Variants in TSPAN18 observed in about 807,000 individuals in gnomAD.
The protein encoded by TSPAN18 is tetraspanin-18.
A neutral mutation model predicts 27.3 loss-of-function variants in TSPAN18; 14 were observed. That is an observed-to-expected ratio of 0.51 (90% CI 0.34 to 0.80). TSPAN18 has a LOEUF of 0.80. TSPAN18 is among the 30% of genes least tolerant of loss of function. The probability of loss-of-function intolerance (pLI) is 0.01; values close to 1 mark genes in which losing one functional copy is unlikely to be tolerated. For synonymous variants in TSPAN18, 143 were observed against 136.5 expected (o/e 1.05, Z -0.33); for missense variants, 268 against 323.9 (o/e 0.83, Z 1.32).
intron 2 of TSPAN18, among the ~76,000 whole-genome samples, chr11:44,850,307 C>T (rs1027051496): frequency 7.2e-5 from 11 of 152,132 alleles, no homozygotes; most frequent in Admixed American, 5.2e-4. Flanking sequence ...CTCCTGCCAC[C>T]ATTTGCCAAG....
chr11:44,897,324 G>A (rs1859095462), intron 3 of TSPAN18, among the ~76,000 whole-genome samples: 1 of 152,160 alleles, frequency 6.6e-6, no homozygotes, highest in Admixed American at 6.5e-5. Flanking sequence ...TCTGGGTTTT[G>A]GGGGAGGAAG....
At chr11:44,878,840 G>A (rs899956358) in intron 3 of TSPAN18, among the ~76,000 whole-genome samples, 2 of 152,204 alleles carry the variant, frequency 1.3e-5, no homozygotes, top group African/African-American at 2.4e-5. Context: ...AAATGTGGTG[G>A]TAACATGTTG....
chr11:44,850,440 G>A (rs1857574125), intron 2 of TSPAN18, among the ~76,000 whole-genome samples: 1 of 152,120 alleles, frequency 6.6e-6, no homozygotes, highest in Non-Finnish European at 1.5e-5. Context: ...AAGGGTGAAG[G>A]CCAGGCACTT....
chr11:44,818,668 T>C (rs949723777), intron 2 of TSPAN18, among the ~76,000 whole-genome samples: 2 of 152,140 alleles, frequency 1.3e-5, no homozygotes, highest in African/African-American at 4.8e-5. Flanking sequence ...CAGTAGTCAA[T>C]GTCTGACTGT....
intron 2 of TSPAN18, among the ~76,000 whole-genome samples, chr11:44,773,050 A>C (rs972763791): frequency 6.6e-6 from 1 of 152,204 alleles, no homozygotes; most frequent in Non-Finnish European, 1.5e-5. Context: ...CTGAATTCAC[A>C]CCTATGCAAA....
intron 3 of TSPAN18, among the ~76,000 whole-genome samples, chr11:44,865,534 T>C (rs1858012960): frequency 6.6e-6 from 1 of 152,066 alleles, no homozygotes; most frequent in Non-Finnish European, 1.5e-5. Flanking sequence ...ACACAAGCAA[T>C]ATAGGCTTCT....
At chr11:44,755,008 T>C (rs532334633) in intron 1 of TSPAN18, among the ~76,000 whole-genome samples, 7 of 152,298 alleles carry the variant, frequency 4.6e-5, no homozygotes, top group African/African-American at 1.7e-4. Context: ...GGCTGGCATG[T>C]GCTGTCTGCA....
chr11:44,826,158 T>C (rs1188947259), intron 2 of TSPAN18, among the ~76,000 whole-genome samples: 3 of 152,170 alleles, frequency 2.0e-5, no homozygotes, highest in Admixed American at 6.5e-5. Context: ...CGTGGTGGCT[T>C]ACGCCTGTAA....
At chr11:44,910,749 GATATGTCGGGGACCA>G (rs1477395991) in intron 5 of TSPAN18, among the ~76,000 whole-genome samples, 3 of 152,208 alleles carry the variant, frequency 2.0e-5, no homozygotes, top group Non-Finnish European at 4.4e-5. Context: ...GGGTGCTGAA[GATATGTCGGGGACCA>G]GGAGTGATGG....
At chr11:44,828,479 A>G (rs945491844) in intron 2 of TSPAN18, among the ~76,000 whole-genome samples, 8 of 152,026 alleles carry the variant, frequency 5.3e-5, no homozygotes, top group African/African-American at 1.7e-4. Flanking sequence ...CAGGGCTGGT[A>G]TTGCCACAGG....
chr11:44,905,411 C>G (rs1365563633), intron 3 of TSPAN18, among the ~76,000 whole-genome samples: 3 of 152,210 alleles, frequency 2.0e-5, no homozygotes, highest in Non-Finnish European at 2.9e-5. Flanking sequence ...CTGGCCCTTC[C>G]CCTTACTAGC....
intron 2 of TSPAN18, among the ~76,000 whole-genome samples, chr11:44,835,574 G>A (rs1295452113): frequency 6.8e-6 from 1 of 146,888 alleles, no homozygotes; most frequent in Non-Finnish European, 1.5e-5. Context: ...ACCCAGCTTG[G>A]ATCAAGCCCC....
intron 2 of TSPAN18, among the ~76,000 whole-genome samples, chr11:44,767,899 T>C (rs963746950): frequency 1.1e-4 from 16 of 152,256 alleles, no homozygotes; most frequent in African/African-American, 3.9e-4. Flanking sequence ...CTTTGTCATA[T>C]ATCAGTTGAC....
chr11:44,908,690 C>T (rs531120116), intron 4 of TSPAN18, among the ~76,000 whole-genome samples: 2 of 149,138 alleles, frequency 1.3e-5, no homozygotes, highest in African/African-American at 2.5e-5. Flanking sequence ...GATGTGATCC[C>T]GCCACTGCAC....
chr11:44,784,875 G>A (rs1006042000), intron 2 of TSPAN18, among the ~76,000 whole-genome samples: 1 of 152,214 alleles, frequency 6.6e-6, no homozygotes, highest in Non-Finnish European at 1.5e-5. Context: ...TGAGTGAACA[G>A]CAGATCTGGT....
chr11:44,929,525 C>A lies in TSPAN18; in HGVS notation c.*347C>A, dbSNP rs1037108277. 2 of 285,988 alleles carry A rather than the reference C, an allele frequency of 7.0e-6. No individual in the cohort carries two copies. The highest frequency in any genetic ancestry group is 5.0e-5 in the Admixed American group (1 of 20,192). The allele number at this position is 285,988 out of a possible 1,614,324, so 17.7% of individuals were successfully genotyped here. ...CCTGGGCCCTCTCTCCTCACTGCAC[C>A]AGGACCTGATGCCAAGAAAGTGAGG... is the stretch of plus-strand genomic sequence containing the variant. On this transcript the variant is annotated 3_prime_UTR_variant, in exon 10 of 10. Coordinates refer to ENST00000520358, the MANE Select transcript of TSPAN18 (RefSeq NM_130783.5).
intron 2 of TSPAN18, among the ~76,000 whole-genome samples, chr11:44,857,608 G>A (rs999986275): frequency 6.6e-6 from 1 of 152,196 alleles, no homozygotes; most frequent in Non-Finnish European, 1.5e-5. Flanking sequence ...CTCAACGAGT[G>A]TGGGATCAGA....
chr11:44,825,639 G>A (rs1857023888), intron 2 of TSPAN18, among the ~76,000 whole-genome samples: 2 of 152,192 alleles, frequency 1.3e-5, no homozygotes, highest in Admixed American at 1.3e-4. Context: ...GGAGTCAGGG[G>A]CCATGCAGCT....
At chr11:44,780,480 A>G (rs576879763) in intron 2 of TSPAN18, among the ~76,000 whole-genome samples, 1 of 152,282 alleles carries the variant, frequency 6.6e-6, no homozygotes, top group African/African-American at 2.4e-5. Context: ...TTCACCTACC[A>G]TCCGTTCATT....
Sources: allele counts gnomAD v4.1 joint callset (sites outside exome capture counted in the v4.1 genomes callset), GRCh38; gene constraint gnomAD v4.1.1; transcripts MANE v1.5; gene names NCBI Gene and HGNC (gene_info 2026-07-23, HGNC 2026-07-21).